Variants in TNFSF4 observed in about 807,000 individuals in gnomAD.
TNFSF4 encodes tumor necrosis factor ligand superfamily member 4.
TNFSF4 carries 4 observed loss-of-function variants against 7.3 expected under a neutral mutation model. The observed-to-expected ratio is 0.55, with a 90% CI of 0.27 to 1.25. TNFSF4 has a LOEUF of 1.25. Among genes scored for constraint, TNFSF4 ranks in the 50% most tolerant of loss-of-function variants. The pLI is 0.12. For missense variants in TNFSF4, 181 were observed against 208.8 expected (o/e 0.87, Z 0.82); for synonymous variants, 76 against 83.7 (o/e 0.91, Z 0.50).
the TNFSF4 span, among the ~76,000 whole-genome samples, chr1:173,304,178 T>G: frequency 6.6e-6 from 1 of 151,888 alleles, no homozygotes; most frequent in African/African-American, 2.4e-5. Flanking sequence ...ACAAAAAACC[T>G]CCAAGTAAAG....
At chr1:173,285,846 G>C in the TNFSF4 span, among the ~76,000 whole-genome samples, 1 of 152,140 alleles carries the variant, frequency 6.6e-6, no homozygotes, top group East Asian at 1.9e-4. Context: ...AAATGCATGT[G>C]ACTGTCCTTG....
chr1:173,364,377 ATG>A, the TNFSF4 span, among the ~76,000 whole-genome samples: 14,008 of 135,538 alleles, frequency 0.1, 897 homozygotes, highest in African/African-American at 0.18. Context: ...ATTGGGGTGT[ATG>A]TGTATATATA....
At chr1:173,231,913 C>A in the TNFSF4 span, among the ~76,000 whole-genome samples, 1 of 152,098 alleles carries the variant, frequency 6.6e-6, no homozygotes, top group Non-Finnish European at 1.5e-5. Context: ...ATGCCTCCAG[C>A]TTTGTTCTTT....
chr1:173,361,231 T>C, the TNFSF4 span, among the ~76,000 whole-genome samples: 2 of 152,188 alleles, frequency 1.3e-5, no homozygotes, highest in African/African-American at 4.8e-5. Context: ...TGAGTGGATC[T>C]ACAAATTTGG....
the TNFSF4 span, among the ~76,000 whole-genome samples, chr1:173,240,586 T>C: frequency 1.3e-5 from 2 of 152,212 alleles, no homozygotes; most frequent in African/African-American, 2.4e-5. Flanking sequence ...ATATATTGCC[T>C]TGGCAATCAG....
chr1:173,382,948 T>C, the TNFSF4 span, among the ~76,000 whole-genome samples: 1 of 152,076 alleles, frequency 6.6e-6, no homozygotes, highest in African/African-American at 2.4e-5. Context: ...AGCTGAAATT[T>C]TGCATCTTTG....
intron 1 of TNFSF4, among the ~76,000 whole-genome samples, chr1:173,191,290 C>T (rs1250039196): frequency 2.6e-5 from 4 of 152,178 alleles, no homozygotes; most frequent in Non-Finnish European, 1.5e-5. Flanking sequence ...GGAAGCTGAC[C>T]TACTGGAACT....
chr1:173,387,689 C>A, the TNFSF4 span, among the ~76,000 whole-genome samples: 5 of 152,042 alleles, frequency 3.3e-5, no homozygotes, highest in African/African-American at 1.2e-4. Flanking sequence ...CTGAAATTAT[C>A]CCTCAGGGCT....
the TNFSF4 span, among the ~76,000 whole-genome samples, chr1:173,413,777 CAA>C: frequency 6.6e-6 from 1 of 152,188 alleles, no homozygotes; most frequent in Non-Finnish European, 1.5e-5. Flanking sequence ...TATATCCTTT[CAA>C]TAGTTCCTTT....
the TNFSF4 span, among the ~76,000 whole-genome samples, chr1:173,280,514 A>G: frequency 6.6e-6 from 1 of 152,110 alleles, no homozygotes; most frequent in Admixed American, 6.6e-5. Context: ...ATTAGTCTTA[A>G]TGGTCCCTCC....
the TNFSF4 span, chr1:173,362,844 G>T: frequency 2.3e-6 from 1 of 439,042 alleles, no homozygotes; most frequent in South Asian, 2.1e-5. Flanking sequence ...CTGAACATTG[G>T]CTGCCACAGC....
the TNFSF4 span, among the ~76,000 whole-genome samples, chr1:173,251,468 A>G: frequency 3.3e-5 from 5 of 152,322 alleles, no homozygotes; most frequent in African/African-American, 4.8e-5. Flanking sequence ...ATAGTACTCA[A>G]TACCTATTTG....
the TNFSF4 span, among the ~76,000 whole-genome samples, chr1:173,333,334 C>G: frequency 6.7e-6 from 1 of 149,366 alleles, no homozygotes; most frequent in African/African-American, 2.5e-5. Flanking sequence ...GAAAAAAAAA[C>G]ATAAAAGCTG....
the TNFSF4 span, among the ~76,000 whole-genome samples, chr1:173,340,895 T>C: frequency 6.6e-6 from 1 of 152,186 alleles, no homozygotes; most frequent in Non-Finnish European, 1.5e-5. Flanking sequence ...AATCTCATCT[T>C]GAATTGTAGT....
chr1:173,316,480 A>C, the TNFSF4 span, among the ~76,000 whole-genome samples: 1 of 152,132 alleles, frequency 6.6e-6, no homozygotes, highest in Non-Finnish European at 1.5e-5. Context: ...CAAGTAAAAA[A>C]ACTTTAGATC....
chr1:173,392,563 C>T, the TNFSF4 span, among the ~76,000 whole-genome samples: 1 of 152,200 alleles, frequency 6.6e-6, no homozygotes, highest in Non-Finnish European at 1.5e-5. Context: ...TTCATTGCTA[C>T]TCATTGAGCA....
At chr1:173,279,973 G>A in the TNFSF4 span, among the ~76,000 whole-genome samples, 1 of 152,096 alleles carries the variant, frequency 6.6e-6, no homozygotes, top group African/African-American at 2.4e-5. Context: ...ACTGCCTTCT[G>A]CCAAACTGTA....
chr1:173,376,529 T>C, the TNFSF4 span, among the ~76,000 whole-genome samples: 2 of 152,174 alleles, frequency 1.3e-5, no homozygotes, highest in Non-Finnish European at 2.9e-5. Context: ...AACTTCTCTG[T>C]CTAGCTAAAG....
At chr1:173,424,797 T>G in the TNFSF4 span, among the ~76,000 whole-genome samples, 1 of 152,218 alleles carries the variant, frequency 6.6e-6, no homozygotes, top group Admixed American at 6.5e-5. Flanking sequence ...AAACTTTGAA[T>G]TCCTAAAACA....
Sources: allele counts gnomAD v4.1 joint callset (sites outside exome capture counted in the v4.1 genomes callset), GRCh38; gene constraint gnomAD v4.1.1; transcripts MANE v1.5; gene names NCBI Gene and HGNC (gene_info 2026-07-23, HGNC 2026-07-21).